The following CYP2R1 variants were observed in gnomAD, a reference collection of about 807,000 sequenced individuals.
The protein encoded by CYP2R1 is cytochrome P450 family 2 subfamily R member 1, also known as vitamin D 25-hydroxylase.
CYP2R1 carries 40 observed loss-of-function variants against 45.7 expected under a neutral mutation model. The observed-to-expected ratio is 0.87, with a 90% CI of 0.68 to 1.14. The LOEUF is 1.14. Ranked by LOEUF, CYP2R1 falls within the 50% of genes most tolerant of loss-of-function variation. The pLI is 0.00. For synonymous variants in CYP2R1, 234 were observed against 219.3 expected, an observed-to-expected ratio of 1.07 and a Z score of -0.59; for missense variants, 605 against 602.6, an observed-to-expected ratio of 1.00 and a Z score of -0.04.
At chr11:14,882,057 T>C (rs1412917332) in intron 2 of CYP2R1, among the ~76,000 whole-genome samples, 1 of 152,180 alleles carries the variant, frequency 6.6e-6, no homozygotes, top group Non-Finnish European at 1.5e-5. Flanking sequence ...TCATTAGTGC[T>C]GTGTAGCAAT....
chr11:14,888,413 C>G (rs1163128069), intron 1 of CYP2R1, among the ~76,000 whole-genome samples: 1 of 152,202 alleles, frequency 6.6e-6, no homozygotes, highest in Admixed American at 6.5e-5. Flanking sequence ...ATGCTAATAA[C>G]AGACAAATGT....
intron 4 of CYP2R1, 117 bp downstream of exon 4, chr11:14,878,997 T>C (rs782260175): frequency 2.4e-6 from 2 of 836,920 alleles, no homozygotes; most frequent in Non-Finnish European, 3.9e-6. Flanking sequence ...ATCAGTTCTG[T>C]GTTTTTAGAA....
At chr11:14,886,213 T>A in intron 1 of CYP2R1, 1 of 375,856 alleles carries the variant, frequency 2.7e-6, no homozygotes, top group Non-Finnish European at 5.0e-6. Flanking sequence ...ATTAAACAGA[T>A]AAAAGACTCT....
intron 2 of CYP2R1, among the ~76,000 whole-genome samples, chr11:14,882,679 C>A (rs1341451438): frequency 1.3e-5 from 2 of 152,054 alleles, no homozygotes; most frequent in African/African-American, 2.4e-5. Context: ...GAAGTTCTGG[C>A]CAGGGCAATT....
In CYP2R1 at chr11:14,879,354, C is replaced by A; in HGVS notation, c.1090G>T (p.Val364Phe). 1 of 1,612,122 alleles carries A rather than the reference C, an allele frequency of 6.2e-7. No homozygotes were observed. Among genetic ancestry groups the A allele is most frequent in the Non-Finnish European group, 8.5e-7 (1 of 1,179,386 alleles). ...DKCKMPYTEA[V>F]LHEVLRFCNI... ...CAGAATCTTAAAACTTCATGCAAAA[C>A]TGCCTCAGTATAAGGCATTTTGCAT... The change falls in exon 4 of 5, where the codon GTT (valine) becomes TTT (phenylalanine). Residue 364 changes from valine to phenylalanine, a missense_variant. Val to Phe is a conservative substitution (Grantham distance 50). Transcript: ENST00000334636.
intron 4 of CYP2R1, among the ~76,000 whole-genome samples, chr11:14,878,858 A>T (rs1314814644): frequency 2.0e-5 from 3 of 152,060 alleles, no homozygotes; most frequent in Non-Finnish European, 4.4e-5. Flanking sequence ...TCATTCCACA[A>T]GTTTTGAAAA....
At chr11:14,886,667 CCAGT>C (rs1369925626) in intron 1 of CYP2R1, 4 of 152,294 alleles carry the variant, frequency 2.6e-5, no homozygotes, top group African/African-American at 4.8e-5. Context: ...ATATAAGAGG[CCAGT>C]CAGTGAGAGA....
intron 1 of CYP2R1, chr11:14,891,114 G>A: frequency 1.0e-6 from 1 of 985,440 alleles, no homozygotes; most frequent in South Asian, 4.7e-5. Flanking sequence ...CCCAGGACCC[G>A]TGGAAACTCC....
upstream of CYP2R1, chr11:14,892,306 C>T (rs1848895014): frequency 8.5e-6 from 10 of 1,181,902 alleles, no homozygotes; most frequent in South Asian, 1.3e-4. Flanking sequence ...CAGGTCCCGC[C>T]CTAGCTCCGT....
chr11:14,878,008 A>C lies in CYP2R1; in HGVS notation c.*114T>G, dbSNP rs191125686. 198 of 1,098,486 alleles carry C rather than the reference A, an allele frequency of 1.8e-4. 1 individual carries two copies. The African/African-American group carries it at 2.8e-3, about 16-fold the overall frequency. 68.0% of individuals were successfully genotyped at this position (1,098,486 alleles called of 1,614,324 possible). On this transcript the variant is annotated 3_prime_UTR_variant, in exon 5 of 5. Transcript: ENST00000334636. Reference sequence around the variant, plus strand: ...ACTATTTTAAGACACATCTGTGTTCATTTGGCTTTTTGATGCTGTGACTTT... The same window carrying C: ...ACTATTTTAAGACACATCTGTGTTCCTTTGGCTTTTTGATGCTGTGACTTT...
In CYP2R1 at chr11:14,891,475, A is replaced by G. The variant is rs1848852968; in HGVS notation, c.225+506T>C. 8.1e-6 allele frequency: 8 copies of G among 986,536 alleles called. No homozygotes were observed. In the South Asian group the frequency reaches 3.7e-4, roughly 46 times the overall value. The allele number at this position is 986,536 out of a possible 1,614,324, so 61.1% of individuals were successfully genotyped here. On this transcript the variant is annotated intron_variant, in intron 1 of 4. Transcript: ENST00000334636. ...TCAGGGGCGTTCCCCTGCATTCTCC[A>G]TTCTCACAGCAAACGCCTACACCAG... is the stretch of plus-strand genomic sequence containing the variant.
Position 14,885,786 on chromosome 11 carries a change from TG to T in CYP2R1, c.356del (p.Thr119LysfsTer21). 1 of 1,612,634 alleles carries T rather than the reference TG, an allele frequency of 6.2e-7. No homozygotes were observed. On this transcript the variant is annotated frameshift_variant, in exon 2 of 5. Transcript: ENST00000334636. LOFTEE classifies it high-confidence loss of function. ...RPCLPLFMKM[T>X]KMGGLLNSRY... ...TGCAAATAAACATACCTCCCATTTT[TG>T]TCATCTTCATGAATAAAGGAAGGCA...
chr11:14,887,516 G>C, intron 1 of CYP2R1: 3 of 836,900 alleles, frequency 3.6e-6, no homozygotes, highest in Non-Finnish European at 2.9e-6. Flanking sequence ...CTATGGAAGG[G>C]TACAAGATTA....
rs1306026210 is a variant in CYP2R1, at chr11:14,883,659, G to A, written c.367+2117C>T. ...CATGTCTAAAACACCAAAAGCAATG[G>A]CAACAAAAGACAAAATTGACAAATG... On this transcript the variant is annotated intron_variant, in intron 2 of 4. Coordinates refer to ENST00000334636, the MANE Select transcript of CYP2R1 (RefSeq NM_024514.5). 2.6e-5 allele frequency among the ~76,000 whole-genome samples: 4 copies of A among 152,180 alleles called. No individual in the cohort carries two copies. In the East Asian group the frequency reaches 7.7e-4, roughly 29 times the overall value.
chr11:14,891,960 C>G (rs368251181), intron 1 of CYP2R1, 21 bp downstream of exon 1: 8 of 1,609,734 alleles, frequency 5.0e-6, no homozygotes, highest in Non-Finnish European at 6.8e-6. Flanking sequence ...CCTCCCTGCC[C>G]GGGGCCCGTC....
At chr11:14,881,591 T>C (rs1848389785) in intron 2 of CYP2R1, among the ~76,000 whole-genome samples, 3 of 152,134 alleles carry the variant, frequency 2.0e-5, no homozygotes, top group Non-Finnish European at 2.9e-5. Context: ...GATTGGATCA[T>C]AGGGGAAGAT....
At chr11:14,883,423 A>T (rs1848472619) in intron 2 of CYP2R1, among the ~76,000 whole-genome samples, 1 of 152,254 alleles carries the variant, frequency 6.6e-6, no homozygotes, top group Non-Finnish European at 1.5e-5. Flanking sequence ...GAGAAAAATA[A>T]GCAATGGGGA....
rs1253127929 is a variant in CYP2R1, at chr11:14,892,147, A to G, written c.59T>C (p.Leu20Pro). The change falls in exon 1 of 5, where the codon CTG (leucine) becomes CCG (proline). Residue 20 changes from leucine (L) to proline (P), a missense_variant. Transcript: ENST00000334636. The part of the protein sequence containing the change: ...GAAALGGALF[L>P]LLFALGVRQL... ...GCGGACCCCTAGCGCGAAGAGCAGCAGGAAGAGCGCGCCGCCGAGCGCCGC... is the reference window on the plus strand; with the variant it reads ...GCGGACCCCTAGCGCGAAGAGCAGCGGGAAGAGCGCGCCGCCGAGCGCCGC... The G allele has an allele frequency of 6.2e-6, 10 of 1,611,144 alleles. No homozygotes were observed. Among genetic ancestry groups the G allele is most frequent in the Non-Finnish European group, 8.5e-6 (10 of 1,179,762 alleles).
At chr11:14,881,622 A>C (rs1555012341) in intron 2 of CYP2R1, among the ~76,000 whole-genome samples, 1 of 152,096 alleles carries the variant, frequency 6.6e-6, no homozygotes, top group Admixed American at 6.6e-5. Context: ...TGGTCTTACA[A>C]CATCCCCTTG....
Sources: gnomAD v4.1 joint callset for allele counts (sites outside exome capture counted in the v4.1 genomes callset) on GRCh38, gnomAD v4.1.1 for gene constraint, MANE v1.5 for transcripts, NCBI Gene and HGNC (gene_info 2026-07-23, HGNC 2026-07-21) for gene names.